Variants in PDXDC1 observed in about 807,000 individuals in gnomAD.
PDXDC1 encodes pyridoxal-dependent decarboxylase domain-containing protein 1.
Under a neutral mutation model 100.1 loss-of-function variants are expected in PDXDC1, and 42 were observed. The observed-to-expected ratio is 0.42, with a 90% CI of 0.33 to 0.54. PDXDC1 has a LOEUF of 0.54. Among genes scored for constraint, PDXDC1 ranks in the 20% least tolerant of loss-of-function variants. The probability of loss-of-function intolerance (pLI) is 0.10; values close to 1 mark genes in which losing one functional copy is unlikely to be tolerated. For synonymous variants in PDXDC1, 260 were observed against 371.7 expected (o/e 0.70, Z 3.46); for missense variants, 636 against 979.2 (o/e 0.65, Z 4.68).
At chr16:15,111,251 GT>G (rs1432289962) in intron 16 of PDXDC1, among the ~76,000 whole-genome samples, 1 of 146,504 alleles carries the variant, frequency 6.8e-6, no homozygotes, top group African/African-American at 2.5e-5. Flanking sequence ...GAGGTCGGGA[GT>G]TTGAGACCAG....
chr16:15,116,479 CAA>C (rs1193819668), intron 16 of PDXDC1, among the ~76,000 whole-genome samples: 440 of 28,038 alleles, frequency 0.016, 1 homozygote, highest in African/African-American at 0.029. Flanking sequence ...GACTCTGTCT[CAA>C]AAAAAAAAAA....
chr16:15,110,730 C>T (rs1472401849), intron 16 of PDXDC1: 1 of 1,587,624 alleles, frequency 6.3e-7, no homozygotes, highest in East Asian at 2.2e-5. Context: ...ACCTTCCTGT[C>T]TACGGCGGTT....
chr16:15,023,889 T>G (rs28719075), intron 13 of PDXDC1, among the ~76,000 whole-genome samples: 3 of 152,088 alleles, frequency 2.0e-5, no homozygotes, highest in Non-Finnish European at 4.4e-5. Flanking sequence ...CTTTCCAAGC[T>G]TGACTGTCAA....
chr16:14,990,670 C>G (rs1970568857), intron 1 of PDXDC1, among the ~76,000 whole-genome samples: 1 of 152,272 alleles, frequency 6.6e-6, no homozygotes, highest in East Asian at 1.9e-4. Context: ...CCAAACTTAA[C>G]TATCAGTGCT....
chr16:14,986,732 G>C (rs1163559413), intron 1 of PDXDC1, among the ~76,000 whole-genome samples: 5 of 152,288 alleles, frequency 3.3e-5, no homozygotes, highest in Admixed American at 6.5e-5. Flanking sequence ...TAAATGCTTT[G>C]TTGCACTTTT....
rs866351018 is a variant in PDXDC1, at chr16:15,133,469, C to A, written c.1400-5410C>A. 4.3e-5 allele frequency: 37 copies of A among 852,758 alleles called. No homozygotes were observed. In the African/African-American group the frequency reaches 5.0e-4, roughly 12 times the overall value. The allele number at this position is 852,758 out of a possible 1,614,324, so 52.8% of individuals were successfully genotyped here. A position where few individuals can be genotyped will look rare whatever the true frequency, so the allele number is the denominator to read the frequency against. ...TGAGCAGGTGGCAGTCTCGGGGGCG[C>A]CCTCCCACGGCCTGGCTCACCTGTT... On this transcript the variant is annotated intron_variant, in intron 16 of 16. Coordinates refer to the PDXDC1 transcript ENST00000535621.
At chr16:15,042,764 G>A (rs1015623132), downstream of PDXDC1, among the ~76,000 whole-genome samples, 12 of 122,716 alleles carry the variant, frequency 9.8e-5, no homozygotes, top group Admixed American at 3.8e-4. Context: ...ACGAAGTCTC[G>A]CTCTGTCACC....
At chr16:15,047,630 C>G (rs1028403087) in intron 16 of PDXDC1, 1 of 1,078,344 alleles carries the variant, frequency 9.3e-7, no homozygotes, top group Non-Finnish European at 1.4e-6. Flanking sequence ...CCTGTCCCTC[C>G]GGACCGCCTC....
chr16:15,086,756 T>C (rs182748837), intron 16 of PDXDC1, among the ~76,000 whole-genome samples: 2 of 152,332 alleles, frequency 1.3e-5, no homozygotes, highest in African/African-American at 4.8e-5. Flanking sequence ...CACCTGGGAC[T>C]TTTAAAAACT....
chr16:15,039,040 CTG>C (rs2043683754), downstream of PDXDC1, among the ~76,000 whole-genome samples: 1 of 152,176 alleles, frequency 6.6e-6, no homozygotes, highest in African/African-American at 2.4e-5. Flanking sequence ...TGACTAAAGT[CTG>C]TGTTCCCATT....
At chr16:15,098,998 G>T (rs892179704) in intron 16 of PDXDC1, among the ~76,000 whole-genome samples, 1 of 152,222 alleles carries the variant, frequency 6.6e-6, no homozygotes, top group Non-Finnish European at 1.5e-5. Context: ...GCTTTTTGAA[G>T]GCTGTGCCAA....
At chr16:15,027,664 C>T (rs1227997239) in intron 14 of PDXDC1, among the ~76,000 whole-genome samples, 6 of 152,404 alleles carry the variant, frequency 3.9e-5, no homozygotes, top group East Asian at 1.9e-4. Context: ...GCCTCGTCCC[C>T]GTGGTTGATG....
intron 16 of PDXDC1, among the ~76,000 whole-genome samples, chr16:15,054,484 C>A (rs181904516): frequency 1.1e-4 from 17 of 152,284 alleles, no homozygotes; most frequent in Admixed American, 1.0e-3. Context: ...AATTATTTTT[C>A]CTTGGTGAGT....
chr16:15,140,352 G>A (rs1030709690), downstream of PDXDC1, among the ~76,000 whole-genome samples: 2 of 149,252 alleles, frequency 1.3e-5, no homozygotes, highest in Non-Finnish European at 3.0e-5. Flanking sequence ...GCTTAGGCAG[G>A]AGAATCACTT....
chr16:15,061,947 G>C (rs553976184), intron 16 of PDXDC1: 1 of 1,558,794 alleles, frequency 6.4e-7, no homozygotes, highest in South Asian at 1.1e-5. Flanking sequence ...CACCAGTGCT[G>C]ACTGAAAAGC....
chr16:15,131,570 G>C (rs575992380), intron 16 of PDXDC1: 4 of 1,608,332 alleles, frequency 2.5e-6, no homozygotes, highest in Non-Finnish European at 3.4e-6. Flanking sequence ...TTGAGCACGC[G>C]GGAGCGCGTG....
intron 16 of PDXDC1, chr16:15,131,035 C>A: frequency 2.1e-6 from 3 of 1,440,146 alleles, no homozygotes; most frequent in Non-Finnish European, 9.6e-7. Flanking sequence ...GAAACGCCTT[C>A]CCCCCAAGAA....
chr16:15,084,946 G>C (rs1052442297), intron 16 of PDXDC1, among the ~76,000 whole-genome samples: 2 of 151,858 alleles, frequency 1.3e-5, no homozygotes, highest in African/African-American at 4.8e-5. Flanking sequence ...AATGCCTGTA[G>C]TCCCATCTAC....
intron 16 of PDXDC1, chr16:15,110,753 T>C: frequency 6.3e-7 from 1 of 1,587,244 alleles, no homozygotes; most frequent in Non-Finnish European, 8.5e-7. Flanking sequence ...ACCTCCTGGC[T>C]CTCTGCTGTA....
Sources: allele counts gnomAD v4.1 joint callset (sites outside exome capture counted in the v4.1 genomes callset), GRCh38; gene constraint gnomAD v4.1.1; transcripts MANE v1.5; gene names NCBI Gene and HGNC (gene_info 2026-07-23, HGNC 2026-07-21).